KLHL13: variants seen among roughly 807,000 people sequenced by gnomAD.
KLHL13 encodes the protein kelch-like protein 13.
KLHL13 carries 10 observed loss-of-function variants against 37.1 expected under a neutral mutation model. That is an observed-to-expected ratio of 0.27 (90% CI 0.17 to 0.46). The LOEUF is 0.46. Among genes scored for constraint, KLHL13 ranks in the 20% least tolerant of loss-of-function variants. The pLI is 1.00. For missense variants in KLHL13, 360 were observed against 509.3 expected (o/e 0.71, Z 2.82); for synonymous variants, 163 against 181.2 (o/e 0.90, Z 0.81).
chrX:118,074,017 T>G (rs1411444868), intron 1 of KLHL13, among the ~76,000 whole-genome samples: 1 of 112,368 alleles, frequency 8.9e-6, no homozygotes, highest in Non-Finnish European at 1.9e-5. Flanking sequence ...AGAAAAAATG[T>G]CTGTCCTTTC....
chrX:118,094,737 G>A (rs1212997359), intron 1 of KLHL13, among the ~76,000 whole-genome samples: 2 of 110,726 alleles, frequency 1.8e-5, no homozygotes, highest in East Asian at 2.8e-4. Flanking sequence ...GCCAATATTC[G>A]ACATTCTTAA....
intron 1 of KLHL13, among the ~76,000 whole-genome samples, chrX:118,069,757 GCTAAT>G (rs1218857325): frequency 9.0e-6 from 1 of 111,200 alleles, no homozygotes; most frequent in Non-Finnish European, 1.9e-5. Flanking sequence ...GTAAGTTAAG[GCTAAT>G]TTATTACCAA....
chrX:118,031,453 A>G (rs1235638054), intron 1 of KLHL13, among the ~76,000 whole-genome samples: 1 of 90,678 alleles, frequency 1.1e-5, no homozygotes, highest in African/African-American at 5.1e-5. Flanking sequence ...AGATATATAT[A>G]TAGATATATA....
intron 1 of KLHL13, among the ~76,000 whole-genome samples, chrX:118,080,981 G>A (rs2054985911): frequency 1.8e-5 from 2 of 111,638 alleles, no homozygotes; most frequent in Admixed American, 9.6e-5. Context: ...GCAGCTAGAC[G>A]CCATAATCAC....
At chrX:118,103,371 T>C (rs1293595422) in intron 1 of KLHL13, among the ~76,000 whole-genome samples, 2 of 111,929 alleles carry the variant, frequency 1.8e-5, no homozygotes, top group Non-Finnish European at 3.8e-5. Context: ...AAAACTTTAC[T>C]TAAGATTCAC....
chrX:117,912,870 T>C (rs1013214100), intron 4 of KLHL13, among the ~76,000 whole-genome samples: 2 of 111,785 alleles, frequency 1.8e-5, no homozygotes, highest in African/African-American at 3.3e-5. Flanking sequence ...AAAGGCTAAA[T>C]ACTACAAGTA....
At chrX:118,017,313 T>C (rs930907016) in intron 1 of KLHL13, among the ~76,000 whole-genome samples, 1 of 111,838 alleles carries the variant, frequency 8.9e-6, no homozygotes, top group South Asian at 3.7e-4. Context: ...GAATGCATCA[T>C]GCTTTTTCAT....
intron 1 of KLHL13, among the ~76,000 whole-genome samples, chrX:117,959,358 T>G (rs912972071): frequency 8.9e-6 from 1 of 112,030 alleles, no homozygotes; most frequent in Admixed American, 9.5e-5. Context: ...ATCCATATAC[T>G]TTTCAAAATT....
At chrX:117,898,042 T>C (rs1345548819) in exon 7 of KLHL13, 1 of 111,947 alleles carries the variant, frequency 8.9e-6, no homozygotes, top group African/African-American at 3.3e-5. Context: ...TTGCTCAAAA[T>C]TTCTAGCCCT....
intron 1 of KLHL13, among the ~76,000 whole-genome samples, chrX:117,971,373 C>T (rs1033703833): frequency 9.0e-6 from 1 of 111,426 alleles, no homozygotes; most frequent in African/African-American, 3.3e-5. Flanking sequence ...CCTATTTTCT[C>T]GAATTATGTG....
intron 1 of KLHL13, among the ~76,000 whole-genome samples, chrX:118,099,218 G>A (rs2055254566): frequency 9.0e-6 from 1 of 111,017 alleles, no homozygotes; most frequent in African/African-American, 3.3e-5. Flanking sequence ...TATGGAAATA[G>A]GTATTTATGC....
chrX:117,923,194 CTAAGTA>C (rs1464314828), intron 2 of KLHL13, among the ~76,000 whole-genome samples: 1 of 111,814 alleles, frequency 8.9e-6, no homozygotes, highest in Admixed American at 9.5e-5. Context: ...ACTTAGCTGT[CTAAGTA>C]TATCTGTGGG....
chrX:118,110,703 A>G (rs1417068037), intron 1 of KLHL13, among the ~76,000 whole-genome samples: 1 of 111,433 alleles, frequency 9.0e-6, no homozygotes, highest in African/African-American at 3.3e-5. Flanking sequence ...ACAGATTTCT[A>G]TACACATTAG....
At chrX:117,940,920 T>G (rs1347964232) in intron 2 of KLHL13, among the ~76,000 whole-genome samples, 1 of 111,799 alleles carries the variant, frequency 8.9e-6, no homozygotes, top group Non-Finnish European at 1.9e-5. Context: ...CTCTTCCTAT[T>G]TGAATAAACT....
intron 1 of KLHL13, among the ~76,000 whole-genome samples, chrX:118,104,052 A>AC (rs1269701860): frequency 2.3e-5 from 2 of 85,177 alleles, no homozygotes; most frequent in Non-Finnish European, 4.6e-5. Flanking sequence ...TTCCACTAAA[A>AC]AAAAAAAAAA....
At chrX:118,046,952 G>A (rs1195805152) in intron 1 of KLHL13, among the ~76,000 whole-genome samples, 7 of 111,652 alleles carry the variant, frequency 6.3e-5, no homozygotes, top group Admixed American at 1.9e-4. Context: ...TATCAGTGGG[G>A]AGAACTTTAC....
chrX:118,110,739 C>CA (rs1331907979), intron 1 of KLHL13, among the ~76,000 whole-genome samples: 2 of 111,332 alleles, frequency 1.8e-5, no homozygotes, highest in Admixed American at 1.9e-4. Context: ...TCAACAACTG[C>CA]AAAAAAATAA....
intron 1 of KLHL13, among the ~76,000 whole-genome samples, chrX:117,995,501 A>G (rs1375250416): frequency 9.0e-6 from 1 of 111,676 alleles, no homozygotes; most frequent in Non-Finnish European, 1.9e-5. Flanking sequence ...TTACATAAGT[A>G]TACATGTGCC....
Position 117,910,111 on chromosome X carries a change from A to T in KLHL13, c.571-15T>A, listed in dbSNP as rs753282512. ...TCTAAAGTGACCTATTAAGCCAATT[A>T]AAAAAAATTAAAACATGACTACTTT... On this transcript the variant is annotated splice_polypyrimidine_tract_variant and intron_variant, in intron 4 of 6. Transcript: ENST00000262820. 98 of 1,091,645 alleles carry T rather than the reference A, an allele frequency of 9.0e-5. No individual in the cohort carries two copies. The highest frequency in any genetic ancestry group is 1.1e-4 in the South Asian group (5 of 45,202). The allele number at this position is 1,091,645 out of a possible 1,213,427, so 90.0% of individuals were successfully genotyped here. A position where few individuals can be genotyped will look rare whatever the true frequency, so the allele number is the denominator to read the frequency against.
Sources: gnomAD v4.1 joint callset for allele counts (sites outside exome capture counted in the v4.1 genomes callset) on GRCh38, gnomAD v4.1.1 for gene constraint, MANE v1.5 for transcripts, NCBI Gene and HGNC (gene_info 2026-07-23, HGNC 2026-07-21) for gene names.